Variants in HECW2 observed in about 807,000 individuals in gnomAD.
The protein encoded by HECW2 is E3 ubiquitin-protein ligase HECW2.
In HECW2, 61 loss-of-function variants were observed where a neutral mutation model predicts 175.2. That is an observed-to-expected ratio of 0.35 (90% confidence interval 0.28 to 0.43). HECW2 has a LOEUF of 0.43. Ranked by LOEUF, HECW2 falls within the 20% of genes least tolerant of loss-of-function variation. The pLI is 1.00. For missense variants in HECW2, 1,524 were observed against 2,000.5 expected, an observed-to-expected ratio of 0.76 and a Z score of 4.54; for synonymous variants, 671 against 731.0, an observed-to-expected ratio of 0.92 and a Z score of 1.32.
At chr2:196,204,821 G>C (rs1372858969) in intron 28 of HECW2, among the ~76,000 whole-genome samples, 3 of 152,200 alleles carry the variant, frequency 2.0e-5, no homozygotes, top group Non-Finnish European at 4.4e-5. Context: ...GACAGGTGGT[G>C]AAACAAAGCT....
At chr2:196,581,493 C>T (rs962316555) in intron 1 of HECW2, among the ~76,000 whole-genome samples, 1 of 152,026 alleles carries the variant, frequency 6.6e-6, no homozygotes, top group Non-Finnish European at 1.5e-5. Flanking sequence ...GAGATCACAC[C>T]ACTGAACTCC....
At chr2:196,219,945 T>C (rs568799962) in intron 26 of HECW2, 94 bp downstream of exon 26, 25 of 763,260 alleles carry the variant, frequency 3.3e-5, no homozygotes, top group Non-Finnish European at 5.2e-5. Context: ...AGAGTCCAAG[T>C]GCTGTTGCCT....
At chr2:196,322,658 A>C (rs762721661) in intron 6 of HECW2, 38 bp from the exon 7 acceptor site, 1 of 1,563,928 alleles carries the variant, frequency 6.4e-7, no homozygotes, top group South Asian at 1.1e-5. Flanking sequence ...GTTTAAAAGA[A>C]AGACAAATAT....
chr2:196,240,883 C>T (rs150285716), intron 20 of HECW2, among the ~76,000 whole-genome samples: 26 of 152,050 alleles, frequency 1.7e-4, no homozygotes, highest in African/African-American at 4.8e-4. Context: ...CCACACACAC[C>T]GCCCCCCGCC....
chr2:196,592,098 T>C (rs946470207), intron 1 of HECW2, among the ~76,000 whole-genome samples: 1 of 152,172 alleles, frequency 6.6e-6, no homozygotes, highest in Non-Finnish European at 1.5e-5. Context: ...TTCTTCTAAA[T>C]GACAAACTAT....
rs529865243 is a variant in HECW2, at chr2:196,433,495, C to T, written c.-35-37G>A. ...AGATAAACATAAAACATTAGTGCTACAATACGAAGAATCAGATTTAAGCTT... is the reference window on the plus strand; with the variant it reads ...AGATAAACATAAAACATTAGTGCTATAATACGAAGAATCAGATTTAAGCTT... On this transcript the variant is annotated intron_variant, in intron 1 of 28. Transcript: ENST00000644978. 2.9e-5 allele frequency: 42 copies of T among 1,462,678 alleles called. No individual in the cohort carries two copies. The South Asian group carries it at 5.2e-4, about 18-fold the overall frequency. 90.6% of individuals were successfully genotyped at this position (1,462,678 alleles called of 1,614,324 possible). A position where few individuals can be genotyped will look rare whatever the true frequency, so the allele number is the denominator to read the frequency against.
At chr2:196,252,178 AAAT>A (rs10666310) in intron 19 of HECW2, among the ~76,000 whole-genome samples, 1,695 of 133,230 alleles carry the variant, frequency 0.013, 21 homozygotes, top group Non-Finnish European at 0.016. Flanking sequence ...CTCCGATTCA[AAAT>A]AATAATAATA....
intron 10 of HECW2, chr2:196,316,997 G>T: frequency 2.6e-6 from 1 of 378,078 alleles, no homozygotes; most frequent in Middle Eastern, 7.3e-4. Context: ...ATTCTATTAT[G>T]CACCCAATTT....
chr2:196,519,624 A>G (rs903466031), intron 1 of HECW2, among the ~76,000 whole-genome samples: 3 of 152,232 alleles, frequency 2.0e-5, no homozygotes, highest in African/African-American at 4.8e-5. Context: ...AAAGCTTCCC[A>G]GAAACATTTA....
intron 15 of HECW2, among the ~76,000 whole-genome samples, chr2:196,278,000 G>T (rs1690026398): frequency 1.2e-5 from 1 of 84,832 alleles, no homozygotes; most frequent in Non-Finnish European, 2.3e-5. Flanking sequence ...AGGGGGGAGG[G>T]ATAGCATTAG....
rs192661726 is a variant in HECW2, at chr2:196,237,026, T to G, written c.3764+3423A>C. Among the ~76,000 whole-genome samples the G allele has an allele frequency of 6.8e-3, 1,038 of 152,300 alleles. 4 individuals are homozygous for G. Among genetic ancestry groups the G allele is most frequent in the Non-Finnish European group, 9.3e-3 (633 of 68,024 alleles). On this transcript the variant is annotated intron_variant, in intron 21 of 28. Transcript: ENST00000644978. ...AGATTTTTTCTTTTTTAGTGAAACC[T>G]TTCACCAGCTACAACATAACAGAGT...
intron 4 of HECW2, among the ~76,000 whole-genome samples, chr2:196,331,531 G>C (rs982923297): frequency 6.6e-6 from 1 of 152,184 alleles, no homozygotes; most frequent in African/African-American, 2.4e-5. Context: ...GTCAGCTATG[G>C]ATATTTGTGC....
Position 196,318,784 on chromosome 2 carries a change from G to A in HECW2, c.2106C>T (p.Cys702=), listed in dbSNP as rs1691807279. The A allele has an allele frequency of 1.3e-6, 2 of 1,528,848 alleles. No individual in the cohort carries two copies. The highest frequency in any genetic ancestry group is 8.8e-7 in the Non-Finnish European group (1 of 1,137,012). The allele number at this position is 1,528,848 out of a possible 1,614,324, so 94.7% of individuals were successfully genotyped here. A position where few individuals can be genotyped will look rare whatever the true frequency, so the allele number is the denominator to read the frequency against. Residue 702 remains cysteine, a synonymous_variant, in exon 9 of 29, where the codon TGC becomes TGT. Transcript: ENST00000644978. ...GPAEGSQESV[C]TAGSLPVVQV... ...GTACCACAGGTAAAGAACCAGCAGT[G>A]CACACGGATTCCTGCGACCCTTCGG... is the stretch of plus-strand genomic sequence containing the variant.
chr2:196,268,601 A>C (rs77575485), intron 17 of HECW2, among the ~76,000 whole-genome samples: 4,776 of 152,316 alleles, frequency 0.031, 153 homozygotes, highest in South Asian at 0.11. Flanking sequence ...TAGATCACCT[A>C]ATCTCTCTGA....
At chr2:196,202,596 G>A (rs887109955) in intron 28 of HECW2, among the ~76,000 whole-genome samples, 2 of 152,136 alleles carry the variant, frequency 1.3e-5, no homozygotes, top group African/African-American at 4.8e-5. Context: ...TAATAATAGA[G>A]GTATTGTTAG....
At chr2:196,522,188 G>A (rs1688425176) in intron 1 of HECW2, among the ~76,000 whole-genome samples, 1 of 152,022 alleles carries the variant, frequency 6.6e-6, no homozygotes, top group Non-Finnish European at 1.5e-5. Context: ...ACTGGTGTGA[G>A]ACGGTATCTC....
intron 1 of HECW2, among the ~76,000 whole-genome samples, chr2:196,495,346 G>A (rs9288263): frequency 0.14 from 21,342 of 152,132 alleles, 2,771 homozygotes; most frequent in African/African-American, 0.35. Context: ...GATTACAGGC[G>A]TGAGCCACCA....
intron 28 of HECW2, among the ~76,000 whole-genome samples, chr2:196,214,158 T>C (rs760478406): frequency 3.3e-5 from 5 of 152,162 alleles, no homozygotes; most frequent in Non-Finnish European, 5.9e-5. Context: ...ATCCACCAGA[T>C]AGATGAGGAA....
rs141190816 is a variant in HECW2, at chr2:196,232,243, C to G, written c.3765-3989G>C. ...GGGATTTTGCCTGCTTAAAATTAAA[C>G]TGTGGCATTCAGTTAGAAGTATCAG... On this transcript the variant is annotated intron_variant, in intron 21 of 28. Coordinates refer to ENST00000644978, the MANE Select transcript of HECW2 (RefSeq NM_001348768.2). Among the ~76,000 whole-genome samples the G allele has an allele frequency of 3.8e-3, 574 of 152,300 alleles. 1 individual carries two copies. The highest frequency in any genetic ancestry group is 0.012 in the African/African-American group (516 of 41,562).
Sources: allele counts gnomAD v4.1 joint callset (sites outside exome capture counted in the v4.1 genomes callset), GRCh38; gene constraint gnomAD v4.1.1; transcripts MANE v1.5; gene names NCBI Gene and HGNC (gene_info 2026-07-23, HGNC 2026-07-21).